Variants in NTN4 observed in about 807,000 individuals in gnomAD.
NTN4 encodes netrin-4.
In NTN4, 32 loss-of-function variants were observed where a neutral mutation model predicts 73.6. The ratio of observed to expected loss-of-function variants is 0.44; its 90% CI spans 0.33 to 0.58. The LOEUF (loss-of-function observed/expected upper bound fraction) is 0.58, where lower values mean the gene tolerates loss of function less well. Ranked by LOEUF, NTN4 falls within the 20% of genes least tolerant of loss-of-function variation. The pLI is 0.04. For synonymous variants in NTN4, 258 were observed against 287.5 expected (o/e 0.90, Z 1.04); for missense variants, 654 against 798.3 (o/e 0.82, Z 2.18).
intron 2 of NTN4, among the ~76,000 whole-genome samples, chr12:95,762,025 A>G (rs907997287): frequency 6.6e-6 from 1 of 152,106 alleles, no homozygotes; most frequent in Non-Finnish European, 1.5e-5. Flanking sequence ...TTCATATTAT[A>G]TATGTTAAAC....
intron 3 of NTN4, 141 bp from the exon 4 acceptor site, chr12:95,713,479 G>A (rs2078581742): frequency 9.1e-6 from 8 of 878,258 alleles, no homozygotes; most frequent in Middle Eastern, 3.5e-4. Context: ...GCCATCAAGA[G>A]GAGAGATGCT....
At chr12:95,722,973 CAAAAAA>C (rs71087998) in intron 3 of NTN4, among the ~76,000 whole-genome samples, 42 of 55,360 alleles carry the variant, frequency 7.6e-4, no homozygotes, top group African/African-American at 2.4e-3. Flanking sequence ...GACTCTGTCT[CAAAAAA>C]AAAAAAAAAA....
chr12:95,699,582 C>T (rs1362966), intron 5 of NTN4, among the ~76,000 whole-genome samples: 1 of 151,626 alleles, frequency 6.6e-6, no homozygotes, highest in Non-Finnish European at 1.5e-5. Context: ...ACCCAAAGCA[C>T]CTGCATCTCC....
Position 95,754,672 on chromosome 12 carries a change from C to G in NTN4, c.586-16528G>C, listed in dbSNP as rs190383789. Among the ~76,000 whole-genome samples, 39 of 152,306 alleles carry G rather than the reference C, an allele frequency of 2.6e-4. No individual in the cohort carries two copies. In the East Asian group the frequency reaches 4.4e-3, roughly 17 times the overall value. On this transcript the variant is annotated intron_variant, in intron 2 of 9. Coordinates refer to ENST00000343702, the MANE Select transcript of NTN4 (RefSeq NM_021229.4). ...CCTTCTCCTGGCTCAGAAGCTCCCC[C>G]ACTGAGCACCTTGTGACCCCTACCC...
intron 2 of NTN4, among the ~76,000 whole-genome samples, chr12:95,752,238 C>T (rs946086085): frequency 4.0e-5 from 6 of 151,218 alleles, no homozygotes; most frequent in Non-Finnish European, 7.4e-5. Context: ...TATAAACTCT[C>T]GTTACAATTC....
intron 2 of NTN4, among the ~76,000 whole-genome samples, chr12:95,783,509 A>G (rs2079146929): frequency 6.6e-6 from 1 of 152,218 alleles, no homozygotes; most frequent in African/African-American, 2.4e-5. Flanking sequence ...TCATCTCCAA[A>G]TGAATAGCAG....
chr12:95,704,853 G>A (rs922534367), intron 5 of NTN4, among the ~76,000 whole-genome samples: 5 of 152,146 alleles, frequency 3.3e-5, no homozygotes, highest in African/African-American at 1.2e-4. Context: ...CCCAGGGATC[G>A]GGGAGCTGTC....
chr12:95,762,634 C>T (rs895506265), intron 2 of NTN4, among the ~76,000 whole-genome samples: 2 of 152,158 alleles, frequency 1.3e-5, no homozygotes, highest in Non-Finnish European at 2.9e-5. Flanking sequence ...TACTGAAGTA[C>T]GAGCAGTGCA....
chr12:95,670,259 T>C (rs2078217344), intron 7 of NTN4, 113 bp from the exon 8 acceptor site: 2 of 527,174 alleles, frequency 3.8e-6, no homozygotes, highest in Non-Finnish European at 6.7e-6. Flanking sequence ...GAGTGATGCA[T>C]ACAGTGTAAT....
At chr12:95,728,790 T>TG (rs2121143209) in intron 3 of NTN4, among the ~76,000 whole-genome samples, 1 of 152,126 alleles carries the variant, frequency 6.6e-6, no homozygotes, top group African/African-American at 2.4e-5. Context: ...GTGTTGGAGG[T>TG]GGGGCCTGGT....
chr12:95,686,407 G>C (rs2078361215), intron 5 of NTN4, among the ~76,000 whole-genome samples: 2 of 152,160 alleles, frequency 1.3e-5, no homozygotes, highest in Non-Finnish European at 2.9e-5. Context: ...ACAAAGGAGG[G>C]ATCATTTAGC....
Position 95,689,745 on chromosome 12 carries a change from C to T in NTN4, c.1181-6034G>A, listed in dbSNP as rs111384354. The stretch of plus-strand genomic sequence containing the variant: ...ACTTGCCCACAAGGGACAGGTCCAC[C>T]TTATTTTAGAAATCATTCCTTATTC... On this transcript the variant is annotated intron_variant, in intron 5 of 9. Transcript: ENST00000343702. Among the ~76,000 whole-genome samples, 1,152 of 152,322 alleles carry T rather than the reference C, an allele frequency of 7.6e-3. 18 individuals carry two copies. The highest frequency in any genetic ancestry group is 0.026 in the African/African-American group (1,083 of 41,568).
Position 95,787,149 on chromosome 12 carries a change from G to A in NTN4, c.375C>T (p.Phe125=), listed in dbSNP as rs1194064137. ...ACATCACAATTAGGTGAGTGAAGTA[G>A]AATTCAGCTTCCAGGTCTAACTGGA... is the stretch of plus-strand genomic sequence containing the variant. ...EKIQLDLEAE[F]YFTHLIVMFK... The change falls in exon 2 of 10, where the codon TTC becomes TTT. Residue 125 remains phenylalanine (F), a synonymous_variant. Coordinates refer to ENST00000343702, the MANE Select transcript of NTN4 (RefSeq NM_021229.4). The A allele has an allele frequency of 6.2e-7, 1 of 1,614,108 alleles. No individual in the cohort carries two copies. Among genetic ancestry groups the A allele is most frequent in the African/African-American group, 1.3e-5 (1 of 74,926 alleles).
chr12:95,741,585 T>C (rs11108231), intron 2 of NTN4, among the ~76,000 whole-genome samples: 6,087 of 144,230 alleles, frequency 0.042, 252 homozygotes, highest in African/African-American at 0.11. Flanking sequence ...AAATCTACTT[T>C]GATAGTAATA....
rs192786477 is a variant in NTN4 at position 95,764,748 on chromosome 12, C to T, written c.585+22191G>A. 5.3e-5 allele frequency among the ~76,000 whole-genome samples: 8 copies of T among 151,414 alleles called. No individual in the cohort carries two copies. The East Asian group carries it at 1.5e-3, about 29-fold the overall frequency. ...CTGAACTCTTGGCTGTCACTTTCTACCTGTGCCTGGTGCATGTTTTATAAA... is the reference window on the plus strand; with the variant it reads ...CTGAACTCTTGGCTGTCACTTTCTATCTGTGCCTGGTGCATGTTTTATAAA... On this transcript the variant is annotated intron_variant, in intron 2 of 9. Transcript: ENST00000343702.
At chr12:95,723,330 C>T (rs2078664208) in intron 3 of NTN4, among the ~76,000 whole-genome samples, 1 of 151,868 alleles carries the variant, frequency 6.6e-6, no homozygotes, top group African/African-American at 2.4e-5. Context: ...CCGCAGCACA[C>T]CCTCGCTAGG....
chr12:95,762,306 C>T (rs1174980588), intron 2 of NTN4, among the ~76,000 whole-genome samples: 1 of 152,190 alleles, frequency 6.6e-6, no homozygotes, highest in African/African-American at 2.4e-5. Flanking sequence ...TCAAAGGCAC[C>T]TCCAACTTGC....
chr12:95,767,004 A>T (rs1230408085), intron 2 of NTN4, among the ~76,000 whole-genome samples: 1 of 152,142 alleles, frequency 6.6e-6, no homozygotes, highest in East Asian at 1.9e-4. Flanking sequence ...AATCTTTCAC[A>T]CTGTCCCCTG....
chr12:95,713,241 C>A lies in NTN4; in HGVS notation c.962G>T (p.Gly321Val), dbSNP rs575234562. ...GCACTCGTTGGGAGCCCCCGTTTTG[C>A]CATCAGCTGCCTCCCATGGCCGGTC... ...YNDRPWEAAD[G>V]KTGAPNECRT... The change falls in exon 4 of 10, where the codon GGC (glycine) becomes GTC (valine). Residue 321 changes from glycine (G) to valine (V), a missense_variant. Physicochemically the swap from Gly to Val is moderately radical, Grantham distance 109. Coordinates refer to ENST00000343702, the MANE Select transcript of NTN4 (RefSeq NM_021229.4). 1 of 1,613,508 alleles carries A rather than the reference C, an allele frequency of 6.2e-7. No homozygotes were observed. The highest frequency in any genetic ancestry group is 1.7e-5 in the Admixed American group (1 of 60,008).
Sources: gnomAD v4.1 joint callset for allele counts (sites outside exome capture counted in the v4.1 genomes callset) on GRCh38, gnomAD v4.1.1 for gene constraint, MANE v1.5 for transcripts, NCBI Gene and HGNC (gene_info 2026-07-23, HGNC 2026-07-21) for gene names.